The following AFF4 variants were observed in gnomAD, a reference collection of about 807,000 sequenced individuals.
AFF4 encodes the protein ALF transcription elongation factor 4, also known as AF4/FMR2 family member 4.
A neutral mutation model predicts 124.8 loss-of-function variants in AFF4; 13 were observed. The ratio of observed to expected loss-of-function variants is 0.10; its 90% CI spans 0.07 to 0.17. AFF4 has a LOEUF of 0.17. Among genes scored for constraint, AFF4 ranks in the 10% least tolerant of loss-of-function variants. The pLI is 1.00. For missense variants in AFF4, 1,092 were observed against 1,403.8 expected (o/e 0.78, Z 3.55); for synonymous variants, 477 against 496.1 (o/e 0.96, Z 0.51).
chr5:132,887,744 A>C (rs1171834331), intron 16 of AFF4, 102 bp downstream of exon 16: 24 of 1,530,970 alleles, frequency 1.6e-5, no homozygotes, highest in Non-Finnish European at 2.1e-5. Context: ...AAGGACATTA[A>C]AGGATTATAC....
intron 5 of AFF4, among the ~76,000 whole-genome samples, chr5:132,915,814 G>A (rs562361452): frequency 5.2e-4 from 79 of 151,752 alleles, no homozygotes; most frequent in African/African-American, 1.9e-3. Context: ...TAATCCCAGA[G>A]TGCTGGGATT....
intron 5 of AFF4, among the ~76,000 whole-genome samples, chr5:132,923,183 T>A (rs548654197): frequency 3.3e-5 from 5 of 150,512 alleles, no homozygotes; most frequent in Admixed American, 1.3e-4. Flanking sequence ...CTCAAAAAAA[T>A]AATAATAATT....
At chr5:132,940,300 T>C (rs542818045) in intron 1 of AFF4, among the ~76,000 whole-genome samples, 21 of 151,600 alleles carry the variant, frequency 1.4e-4, no homozygotes, top group African/African-American at 4.8e-4. Flanking sequence ...GAGATTGAGA[T>C]ATCCTGGCTA....
intron 18 of AFF4, 104 bp downstream of exon 18, chr5:132,886,206 C>G: frequency 2.1e-6 from 2 of 934,450 alleles, no homozygotes; most frequent in Admixed American, 4.5e-5. Flanking sequence ...AGTAGCTCCT[C>G]CCCTGGTGTG....
chr5:132,896,572 G>T lies in AFF4; in HGVS notation c.2058C>A (p.Ser686Arg). ...GAGAGAACATTCGTTGCCGAAAAAA[G>T]CTATCTTCTTCCTCCACTGAGGAGG... is the stretch of plus-strand genomic sequence containing the variant. ...VKPSSVEEED[S>R]FFRQRMFSPM... The change falls in exon 11 of 21, where the codon AGC (serine) becomes AGA (arginine). Residue 686 changes from serine to arginine, a missense_variant. Physicochemically the swap from Ser to Arg is moderately radical, Grantham distance 110 (BLOSUM62 -1). Coordinates refer to ENST00000265343, the MANE Select transcript of AFF4 (RefSeq NM_014423.4). 1.2e-6 allele frequency: 2 copies of T among 1,614,032 alleles called. No individual in the cohort carries two copies. Among genetic ancestry groups the T allele is most frequent in the Non-Finnish European group, 1.7e-6 (2 of 1,180,036 alleles).
intron 1 of AFF4, among the ~76,000 whole-genome samples, chr5:132,952,791 G>T (rs542344857): frequency 6.6e-6 from 1 of 152,024 alleles, no homozygotes; most frequent in Non-Finnish European, 1.5e-5. Context: ...CCACCTACTC[G>T]AGAGGCTGTG....
Position 132,893,273 on chromosome 5 carries a change from G to C in AFF4, c.2308-155C>G, listed in dbSNP as rs565247703. The stretch of plus-strand genomic sequence containing the variant: ...ATTTAAATAATATTCAAGAAGATGA[G>C]GTTTTAAGGCTGAGGTCGCCTATTT... On this transcript the variant is annotated intron_variant, in intron 11 of 20. Coordinates refer to ENST00000265343, the MANE Select transcript of AFF4 (RefSeq NM_014423.4). 4.6e-5 allele frequency among the ~76,000 whole-genome samples: 7 copies of C among 152,284 alleles called. No individual in the cohort carries two copies. In the South Asian group the frequency reaches 6.2e-4, roughly 14 times the overall value.
intron 5 of AFF4, among the ~76,000 whole-genome samples, chr5:132,925,356 A>G (rs1761146814): frequency 6.6e-6 from 1 of 151,956 alleles, no homozygotes; most frequent in African/African-American, 2.4e-5. Context: ...TAAAATAAAA[A>G]TAAGAGGGTA....
At chr5:132,902,283 C>T (rs765810485) in intron 7 of AFF4, among the ~76,000 whole-genome samples, 159 bp downstream of exon 7, 2 of 152,008 alleles carry the variant, frequency 1.3e-5, no homozygotes, top group African/African-American at 4.8e-5. Context: ...CCTGACCTCA[C>T]GTGATCTGCC....
chr5:132,947,895 T>C (rs1056521315), intron 1 of AFF4, among the ~76,000 whole-genome samples: 3 of 152,236 alleles, frequency 2.0e-5, no homozygotes, highest in African/African-American at 7.2e-5. Flanking sequence ...ATGAGACTTC[T>C]ATAGCCTTCA....
At chr5:132,940,964 T>C (rs779978443) in intron 1 of AFF4, among the ~76,000 whole-genome samples, 2 of 151,794 alleles carry the variant, frequency 1.3e-5, no homozygotes, top group Admixed American at 1.3e-4. Context: ...GAGGCGGAGG[T>C]TGCAGTGAGC....
In AFF4 at chr5:132,927,142, G is replaced by A; in HGVS notation, c.1029C>T (p.Ser343=). The A allele has an allele frequency of 6.2e-7, 1 of 1,612,338 alleles. No individual in the cohort carries two copies. The highest frequency in any genetic ancestry group is 8.5e-7 in the Non-Finnish European group (1 of 1,179,434). ...TTACCTTAGTTGGAAAAGGAAATTT[G>A]GAAGGTTCTGTTTTGCATGGTGTAT... ...AIHTPCKTEP[S]KFPFPTKESQ... is the part of the protein sequence containing the mutation. The change falls in exon 5 of 21, where the codon TCC becomes TCT. Residue 343 remains serine, a synonymous_variant. Coordinates refer to ENST00000265343, the MANE Select transcript of AFF4 (RefSeq NM_014423.4).
intron 1 of AFF4, among the ~76,000 whole-genome samples, chr5:132,938,266 ACT>A (rs1016864083): frequency 2.0e-5 from 3 of 150,990 alleles, no homozygotes; most frequent in Non-Finnish European, 4.4e-5. Flanking sequence ...GCAGTATTAT[ACT>A]CTTTTTTTTT....
chr5:132,909,892 G>A (rs147802817), intron 5 of AFF4, among the ~76,000 whole-genome samples: 25 of 152,344 alleles, frequency 1.6e-4, no homozygotes, highest in African/African-American at 5.8e-4. Context: ...AAAGAGGGAA[G>A]GAGATGGGGA....
intron 5 of AFF4, among the ~76,000 whole-genome samples, chr5:132,912,938 C>T (rs12516416): frequency 0.12 from 17,524 of 151,908 alleles, 1,284 homozygotes; most frequent in South Asian, 0.2. Context: ...TTAAGCCCAA[C>T]TGTATAAATA....
chr5:132,875,474 T>A lies in AFF4; in HGVS notation c.*5585A>T. The A allele has an allele frequency of 5.4e-6, 1 of 184,824 alleles. No homozygotes were observed. The highest frequency in any genetic ancestry group is 2.0e-4 in the South Asian group (1 of 5,120). The allele number at this position is 184,824 out of a possible 1,614,324, so 11.4% of individuals were successfully genotyped here. On this transcript the variant is annotated 3_prime_UTR_variant, in exon 21 of 21. Coordinates refer to ENST00000265343, the MANE Select transcript of AFF4 (RefSeq NM_014423.4). ...TTTGGCATTGTACAAAGCATCTTAATGACACAGTAGAGTTAAAAAGATCTT... is the reference window on the plus strand; with the variant it reads ...TTTGGCATTGTACAAAGCATCTTAAAGACACAGTAGAGTTAAAAAGATCTT...
intron 19 of AFF4, among the ~76,000 whole-genome samples, chr5:132,883,822 T>C (rs995138982): frequency 2.0e-5 from 3 of 152,210 alleles, no homozygotes; most frequent in Non-Finnish European, 4.4e-5. Flanking sequence ...GTCATGTACC[T>C]TGTTACAGTT....
intron 1 of AFF4, among the ~76,000 whole-genome samples, chr5:132,951,441 C>G (rs1761839957): frequency 6.6e-6 from 1 of 152,238 alleles, no homozygotes; most frequent in South Asian, 2.1e-4. Context: ...CTGTGTACTT[C>G]TCCTGATCAC....
At chr5:132,916,704 T>C (rs936950991) in intron 5 of AFF4, among the ~76,000 whole-genome samples, 3 of 152,142 alleles carry the variant, frequency 2.0e-5, no homozygotes, top group Admixed American at 1.3e-4. Context: ...GTCTCTGTTA[T>C]TGACTTGCTG....
Sources: allele counts gnomAD v4.1 joint callset (sites outside exome capture counted in the v4.1 genomes callset), GRCh38; gene constraint gnomAD v4.1.1; transcripts MANE v1.5; gene names NCBI Gene and HGNC (gene_info 2026-07-23, HGNC 2026-07-21).